Variants in RAB3GAP1 observed in about 807,000 individuals in gnomAD.
RAB3GAP1 encodes RAB3 GTPase activating protein catalytic subunit 1, also known as rab3 GTPase-activating protein catalytic subunit.
RAB3GAP1 carries 86 observed loss-of-function variants against 130.7 expected under a neutral mutation model. The observed-to-expected ratio is 0.66, with a 90% CI of 0.55 to 0.79. The LOEUF (loss-of-function observed/expected upper bound fraction) is 0.79, where lower values mean the gene tolerates loss of function less well. Ranked by LOEUF, RAB3GAP1 falls within the 30% of genes least tolerant of loss-of-function variation. The pLI is 0.00. For missense variants in RAB3GAP1, 1,029 were observed against 1,169.4 expected (o/e 0.88, Z 1.75); for synonymous variants, 367 against 401.7 (o/e 0.91, Z 1.03).
intron 3 of RAB3GAP1, among the ~76,000 whole-genome samples, chr2:135,070,781 C>G (rs962838216): frequency 6.6e-6 from 1 of 152,068 alleles, no homozygotes; most frequent in South Asian, 2.1e-4. Context: ...CGTGAGCCAC[C>G]ACGCCCGGCC....
At chr2:135,118,588 A>C (rs1489507062) in intron 7 of RAB3GAP1, among the ~76,000 whole-genome samples, 1 of 151,986 alleles carries the variant, frequency 6.6e-6, no homozygotes, top group East Asian at 1.9e-4. Context: ...TGGGAAATTT[A>C]GTTTGTAGGC....
At chr2:135,061,625 A>G (rs150917408) in intron 3 of RAB3GAP1, among the ~76,000 whole-genome samples, 62 of 151,934 alleles carry the variant, frequency 4.1e-4, no homozygotes, top group African/African-American at 1.5e-3. Context: ...TTCTTTATCC[A>G]TTTTAAAAAT....
At chr2:135,107,098 GAA>G (rs1159826826) in intron 5 of RAB3GAP1, among the ~76,000 whole-genome samples, 6,090 of 93,206 alleles carry the variant, frequency 0.065, 145 homozygotes, top group African/African-American at 0.079. Context: ...CTGAAAGGGA[GAA>G]AAAAAAAAAA....
rs141518860 is a variant in RAB3GAP1, at chr2:135,052,457, G to T, written c.46G>T (p.Asp16Tyr). 6.2e-7 allele frequency: 1 copy of T among 1,613,888 alleles called. No homozygotes were observed. The highest frequency in any genetic ancestry group is 1.3e-5 in the African/African-American group (1 of 74,926). The change falls in exon 2 of 24, where the codon GAC (aspartate) becomes TAC (tyrosine). Residue 16 changes from aspartate to tyrosine, a missense_variant. Coordinates refer to ENST00000264158, the MANE Select transcript of RAB3GAP1 (RefSeq NM_012233.3). Reference protein sequence around the residue: ...EPESEVFEITDFTTASEWERF... With the variant: ...EPESEVFEITYFTTASEWERF... ...CGAATCCGAGGTATTTGAGATCACG[G>T]ACTTCACCACTGCCTCGGAATGGGA... is the stretch of plus-strand genomic sequence containing the variant.
At chr2:135,137,586 G>T (rs2104954931) in intron 17 of RAB3GAP1, among the ~76,000 whole-genome samples, 1 of 152,280 alleles carries the variant, frequency 6.6e-6, no homozygotes, top group Admixed American at 6.5e-5. Context: ...AAGTGACCTT[G>T]ATGGACAGTG....
At chr2:135,106,289 G>A (rs1372422188) in intron 5 of RAB3GAP1, among the ~76,000 whole-genome samples, 9 of 152,248 alleles carry the variant, frequency 5.9e-5, no homozygotes, top group African/African-American at 2.2e-4. Context: ...GGGCCATGAT[G>A]ACAATGGCGG....
At chr2:135,086,661 C>CTTTT (rs59270938) in intron 3 of RAB3GAP1, among the ~76,000 whole-genome samples, 53 of 65,052 alleles carry the variant, frequency 8.1e-4, no homozygotes, top group East Asian at 1.4e-3. Flanking sequence ...TTCCCCTAAT[C>CTTTT]TTTTTTTTTT....
intron 17 of RAB3GAP1, among the ~76,000 whole-genome samples, chr2:135,145,469 C>T (rs573584741): frequency 2.8e-4 from 43 of 151,916 alleles, no homozygotes; most frequent in Non-Finnish European, 5.4e-4. Flanking sequence ...GTTTTTATTT[C>T]GTTTGCTTTA....
At chr2:135,104,550 T>C (rs756355649) in intron 5 of RAB3GAP1, among the ~76,000 whole-genome samples, 1 of 151,908 alleles carries the variant, frequency 6.6e-6, no homozygotes, top group South Asian at 2.1e-4. Flanking sequence ...AAATAGAAAC[T>C]GTAATAAAGA....
intron 19 of RAB3GAP1, among the ~76,000 whole-genome samples, chr2:135,156,647 A>G (rs1227345160): frequency 6.6e-6 from 1 of 152,186 alleles, no homozygotes; most frequent in East Asian, 1.9e-4. Context: ...AAAATCAGAA[A>G]ATATATAGAA....
intron 3 of RAB3GAP1, among the ~76,000 whole-genome samples, chr2:135,063,671 C>T (rs1689239942): frequency 1.3e-5 from 2 of 152,128 alleles, no homozygotes; most frequent in South Asian, 2.1e-4. Context: ...GTTTTTAATG[C>T]TGAATATTAA....
intron 19 of RAB3GAP1, among the ~76,000 whole-genome samples, chr2:135,157,919 A>G (rs1221002617): frequency 6.6e-6 from 1 of 152,022 alleles, no homozygotes; most frequent in Admixed American, 6.5e-5. Flanking sequence ...AGCAATTGTG[A>G]AACTCTTTTA....
At chr2:135,082,441 AC>A (rs964826758) in intron 3 of RAB3GAP1, among the ~76,000 whole-genome samples, 1 of 142,864 alleles carries the variant, frequency 7.0e-6, no homozygotes, top group African/African-American at 2.6e-5. Context: ...TAATACACAC[AC>A]TTTTTTTTTT....
intron 3 of RAB3GAP1, among the ~76,000 whole-genome samples, chr2:135,059,426 A>G (rs913277600): frequency 1.5e-4 from 23 of 152,198 alleles, no homozygotes; most frequent in Admixed American, 2.6e-4. Context: ...ATTGTGAACA[A>G]GATAAGATCA....
At chr2:135,117,726 T>TCTTCTGCTTCTGCTTCTTCTTCTG (rs1691060919) in intron 7 of RAB3GAP1, among the ~76,000 whole-genome samples, 1 of 148,158 alleles carries the variant, frequency 6.7e-6, no homozygotes, top group African/African-American at 2.6e-5. Flanking sequence ...TTCTTCTGCT[T>TCTTCTGCTTCTGCTTCTTCTTCTG]CTTCTTCTTC....
intron 2 of RAB3GAP1, among the ~76,000 whole-genome samples, chr2:135,053,583 C>G (rs1413517288): frequency 6.6e-6 from 1 of 152,086 alleles, no homozygotes; most frequent in Non-Finnish European, 1.5e-5. Flanking sequence ...GATGTCGTGT[C>G]ATTAGGTGGC....
intron 17 of RAB3GAP1, among the ~76,000 whole-genome samples, chr2:135,147,144 A>G (rs979340245): frequency 2.0e-5 from 3 of 152,112 alleles, no homozygotes; most frequent in African/African-American, 7.2e-5. Context: ...TCAGGAGTCC[A>G]AGACGAGCCT....
At chr2:135,091,202 A>AGT in intron 4 of RAB3GAP1, 72 bp downstream of exon 4, 2 of 1,403,020 alleles carry the variant, frequency 1.4e-6, no homozygotes, top group Non-Finnish European at 2.0e-6. Context: ...TTATTAATTT[A>AGT]GTGTTCTTCC....
chr2:135,159,383 G>GT (rs2104992295), intron 19 of RAB3GAP1, among the ~76,000 whole-genome samples: 1 of 152,344 alleles, frequency 6.6e-6, no homozygotes, highest in East Asian at 1.9e-4. Flanking sequence ...CATACTGGCG[G>GT]TATGTACTCC....
Sources: allele counts gnomAD v4.1 joint callset (sites outside exome capture counted in the v4.1 genomes callset), GRCh38; gene constraint gnomAD v4.1.1; transcripts MANE v1.5; gene names NCBI Gene and HGNC (gene_info 2026-07-23, HGNC 2026-07-21).